Variants in TAFA1 observed in about 807,000 individuals in gnomAD.
TAFA1 encodes the protein TAFA chemokine like family member 1.
In TAFA1, 4 loss-of-function variants were observed where a neutral mutation model predicts 18.5. The ratio of observed to expected loss-of-function variants is 0.22; its 90% CI spans 0.11 to 0.49. TAFA1 has a LOEUF of 0.49. Ranked by LOEUF, TAFA1 falls within the 20% of genes least tolerant of loss-of-function variation. TAFA1 has a pLI of 0.98. For missense variants in TAFA1, 147 were observed against 169.0 expected, an observed-to-expected ratio of 0.87 and a Z score of 0.72; for synonymous variants, 56 against 55.2, an observed-to-expected ratio of 1.01 and a Z score of -0.06.
chr3:68,458,517 G>A (rs71312506), intron 3 of TAFA1, among the ~76,000 whole-genome samples: 5,730 of 152,144 alleles, frequency 0.038, 148 homozygotes, highest in Non-Finnish European at 0.062. Context: ...TTTCTAAGAG[G>A]GCTCAGGAAA....
chr3:68,099,007 A>G (rs2065118552), intron 2 of TAFA1, among the ~76,000 whole-genome samples: 1 of 152,168 alleles, frequency 6.6e-6, no homozygotes, highest in South Asian at 2.1e-4. Context: ...AAATTAACCC[A>G]AGATGAATTA....
chr3:68,184,449 A>T (rs1418639585), intron 2 of TAFA1, among the ~76,000 whole-genome samples: 1 of 152,136 alleles, frequency 6.6e-6, no homozygotes, highest in Non-Finnish European at 1.5e-5. Flanking sequence ...TATGATGATA[A>T]GCACTGTGTG....
chr3:68,203,995 C>G (rs544443666), intron 2 of TAFA1, among the ~76,000 whole-genome samples: 1 of 119,948 alleles, frequency 8.3e-6, no homozygotes, highest in African/African-American at 3.1e-5. Flanking sequence ...GTTTTTAGCT[C>G]TCAGACTTGT....
At chr3:68,108,035 A>AT (rs2065223017) in intron 2 of TAFA1, among the ~76,000 whole-genome samples, 1 of 151,992 alleles carries the variant, frequency 6.6e-6, no homozygotes, top group African/African-American at 2.4e-5. Context: ...GGCTGATTGG[A>AT]TTTTGTTTTT....
At chr3:68,164,936 C>T (rs2065965997) in intron 2 of TAFA1, among the ~76,000 whole-genome samples, 1 of 152,114 alleles carries the variant, frequency 6.6e-6, no homozygotes, top group African/African-American at 2.4e-5. Context: ...AAGCCAATTA[C>T]TTAAATGCTG....
At chr3:68,013,367 G>A (rs1393889158) in intron 2 of TAFA1, among the ~76,000 whole-genome samples, 6 of 152,068 alleles carry the variant, frequency 3.9e-5, no homozygotes, top group South Asian at 2.1e-4. Flanking sequence ...TGTATTATGT[G>A]TGTATCTTTA....
At chr3:68,400,707 A>G (rs540645287) in intron 2 of TAFA1, among the ~76,000 whole-genome samples, 5 of 152,338 alleles carry the variant, frequency 3.3e-5, no homozygotes, top group South Asian at 2.1e-4. Context: ...TGACTCAACT[A>G]TCAAACTTAG....
intron 2 of TAFA1, among the ~76,000 whole-genome samples, chr3:68,079,546 A>G (rs1347942098): frequency 3.3e-5 from 5 of 151,968 alleles, no homozygotes; most frequent in Non-Finnish European, 7.4e-5. Flanking sequence ...GAACATCTTT[A>G]TTTCTGCCTT....
At chr3:68,337,358 T>C (rs2068990159) in intron 2 of TAFA1, among the ~76,000 whole-genome samples, 2 of 152,030 alleles carry the variant, frequency 1.3e-5, no homozygotes, top group African/African-American at 2.4e-5. Flanking sequence ...AGACCTCACT[T>C]ACTGTCACGA....
chr3:68,191,916 CA>C (rs2066345680), intron 2 of TAFA1, among the ~76,000 whole-genome samples: 1 of 151,814 alleles, frequency 6.6e-6, no homozygotes, highest in African/African-American at 2.4e-5. Flanking sequence ...CAACGTCATT[CA>C]ATCAATGTTG....
At position 68,129,054 on chromosome 3, in the gene TAFA1, C is replaced by A. The variant is rs73110781; in HGVS notation, c.118+122310C>A. Among the ~76,000 whole-genome samples the A allele has an allele frequency of 8.4e-3, 1,280 of 152,264 alleles. 11 individuals are homozygous for A. Among genetic ancestry groups the A allele is most frequent in the Non-Finnish European group, 0.011 (727 of 68,026 alleles). On this transcript the variant is annotated intron_variant, in intron 2 of 4. Coordinates refer to ENST00000478136, the MANE Select transcript of TAFA1 (RefSeq NM_213609.4). ...CATTTCATAGGGGCTCCCCATTTGT[C>A]AGGAGTTGGGCTAAGTACTTGACTG...
At chr3:68,328,062 G>C (rs9809500) in intron 2 of TAFA1, among the ~76,000 whole-genome samples, 7,055 of 152,164 alleles carry the variant, frequency 0.046, 174 homozygotes, top group African/African-American at 0.073. Context: ...CCTGGTTAAC[G>C]TCGGCCTGTG....
chr3:68,444,402 A>G (rs1277764104), intron 3 of TAFA1, among the ~76,000 whole-genome samples: 1 of 152,060 alleles, frequency 6.6e-6, no homozygotes, highest in African/African-American at 2.4e-5. Context: ...TGTGACAAGC[A>G]TTATTTTCTC....
chr3:68,073,857 T>C (rs1173500696), intron 2 of TAFA1, among the ~76,000 whole-genome samples: 1 of 152,106 alleles, frequency 6.6e-6, no homozygotes, highest in East Asian at 1.9e-4. Context: ...TCCAACCTTT[T>C]TGGCACCAGG....
At position 68,417,275 on chromosome 3, in the gene TAFA1, G is replaced by T; in HGVS notation, c.119-5G>T. Reference sequence around the variant, plus strand: ...TCAGTGTCCCTGTTCTTTCTCTCTTGCCAGAAGGAGGGACGTGTGAAGTGA... The same window carrying T: ...TCAGTGTCCCTGTTCTTTCTCTCTTTCCAGAAGGAGGGACGTGTGAAGTGA... On this transcript the variant is annotated splice_region_variant and splice_polypyrimidine_tract_variant and intron_variant, in intron 2 of 4. Coordinates refer to ENST00000478136, the MANE Select transcript of TAFA1 (RefSeq NM_213609.4). The T allele has an allele frequency of 6.2e-7, 1 of 1,612,104 alleles. No individual in the cohort carries two copies. The highest frequency in any genetic ancestry group is 8.5e-7 in the Non-Finnish European group (1 of 1,178,962).
chr3:68,155,747 A>G (rs539498317), intron 2 of TAFA1, among the ~76,000 whole-genome samples: 5 of 152,276 alleles, frequency 3.3e-5, no homozygotes, highest in African/African-American at 9.6e-5. Flanking sequence ...ATCCAAACCT[A>G]AAGAAAATAC....
intron 2 of TAFA1, among the ~76,000 whole-genome samples, chr3:68,241,546 A>G (rs901202577): frequency 6.6e-6 from 1 of 152,292 alleles, no homozygotes; most frequent in Admixed American, 6.5e-5. Context: ...ACAAATCCTG[A>G]ACTCCAGCTA....
chr3:68,019,264 C>T (rs2106792871), intron 2 of TAFA1, among the ~76,000 whole-genome samples: 1 of 152,272 alleles, frequency 6.6e-6, no homozygotes, highest in East Asian at 1.9e-4. Context: ...GCAAACAGGC[C>T]TGGCTGAAAG....
At chr3:68,420,792 G>C (rs1325021434) in intron 3 of TAFA1, among the ~76,000 whole-genome samples, 1 of 152,118 alleles carries the variant, frequency 6.6e-6, no homozygotes, top group Admixed American at 6.6e-5. Flanking sequence ...ATGGTGCTGA[G>C]GTTGAAAAAC....
Sources: gnomAD v4.1 joint callset for allele counts (sites outside exome capture counted in the v4.1 genomes callset) on GRCh38, gnomAD v4.1.1 for gene constraint, MANE v1.5 for transcripts, NCBI Gene and HGNC (gene_info 2026-07-23, HGNC 2026-07-21) for gene names.